LRBA: variants seen among roughly 807,000 people sequenced by gnomAD.
The protein encoded by LRBA is lipopolysaccharide-responsive and beige-like anchor protein.
A neutral mutation model predicts 330.0 loss-of-function variants in LRBA; 176 were observed. The observed-to-expected ratio is 0.53, with a 90% CI of 0.47 to 0.60. The LOEUF (loss-of-function observed/expected upper bound fraction) is 0.60, where lower values mean the gene tolerates loss of function less well. Ranked by LOEUF, LRBA falls within the 20% of genes least tolerant of loss-of-function variation. LRBA has a pLI of 0.00. For missense variants in LRBA, 3,259 were observed against 3,444.8 expected, an observed-to-expected ratio of 0.95 and a Z score of 1.35; for synonymous variants, 1,230 against 1,193.0, an observed-to-expected ratio of 1.03 and a Z score of -0.64.
At chr4:150,495,100 A>G (rs965284157) in intron 40 of LRBA, among the ~76,000 whole-genome samples, 1 of 152,206 alleles carries the variant, frequency 6.6e-6, no homozygotes, top group African/African-American at 2.4e-5. Context: ...ATCTATAAGA[A>G]AGTGATAAAT....
chr4:150,758,934 C>T (rs541690670), intron 35 of LRBA, among the ~76,000 whole-genome samples: 3 of 151,652 alleles, frequency 2.0e-5, no homozygotes, highest in Non-Finnish European at 4.4e-5. Context: ...TTTTTCCCCA[C>T]GACAGGGTCT....
At chr4:150,316,844 C>T (rs1438436480) in intron 50 of LRBA, among the ~76,000 whole-genome samples, 1 of 152,016 alleles carries the variant, frequency 6.6e-6, no homozygotes, top group African/African-American at 2.4e-5. Context: ...AAGAGAGAGT[C>T]GTGGACAAGG....
intron 47 of LRBA, among the ~76,000 whole-genome samples, chr4:150,359,058 G>A (rs1446824919): frequency 6.6e-6 from 1 of 151,990 alleles, no homozygotes. Flanking sequence ...ATCCAATAAA[G>A]AAAAACTTGA....
chr4:150,456,007 C>CT (rs1212036907), intron 44 of LRBA, among the ~76,000 whole-genome samples: 1 of 152,202 alleles, frequency 6.6e-6, no homozygotes, highest in South Asian at 2.1e-4. Context: ...GTATCTCATT[C>CT]TTTTTTATGG....
At chr4:151,010,477 T>C (rs1307444471) in intron 2 of LRBA, among the ~76,000 whole-genome samples, 3 of 152,130 alleles carry the variant, frequency 2.0e-5, no homozygotes, top group African/African-American at 4.8e-5. Context: ...TCAAAATTTA[T>C]CTGCAAAACA....
intron 31 of LRBA, among the ~76,000 whole-genome samples, chr4:150,815,873 C>T (rs1370792800): frequency 6.6e-6 from 1 of 151,820 alleles, no homozygotes; most frequent in Non-Finnish European, 1.5e-5. Flanking sequence ...CTTTCTTTTA[C>T]TTAACCTACT....
chr4:150,799,933 C>T (rs1159733411), intron 33 of LRBA, among the ~76,000 whole-genome samples: 2 of 152,226 alleles, frequency 1.3e-5, no homozygotes, highest in East Asian at 1.9e-4. Context: ...TTAGTAGAGA[C>T]GGAGTTTCAC....
At chr4:150,710,747 G>A (rs1036148480) in intron 36 of LRBA, among the ~76,000 whole-genome samples, 1 of 151,970 alleles carries the variant, frequency 6.6e-6, no homozygotes, top group Non-Finnish European at 1.5e-5. Flanking sequence ...AGTGAAGAAT[G>A]AGTGCTTTAC....
Position 150,321,204 on chromosome 4 carries a change from C to A in LRBA, c.7617G>T (p.Trp2539Cys). The change falls in exon 50 of 57, where the codon TGG becomes TGT. Residue 2539 changes from tryptophan to cysteine, a missense_variant. Trp to Cys is a radical substitution (Grantham distance 215). Transcript: ENST00000651943. The surrounding 1 kb of genome is among the most constrained non-coding windows in gnomAD (Gnocchi z 4.5). ...TTCTTTACTTACCAGGAAGGTTGTG[C>A]CATTTGTTCACCGCAAATAACCTGT... The part of the protein sequence containing the change: ...TANRLFAVNK[W>C]HNLPAHQGAV... 2 of 1,608,292 alleles carry A rather than the reference C, an allele frequency of 1.2e-6. No individual in the cohort carries two copies. Among genetic ancestry groups the A allele is most frequent in the Non-Finnish European group, 1.7e-6 (2 of 1,178,080 alleles).
chr4:150,820,892 T>C (rs1745334949), intron 30 of LRBA, among the ~76,000 whole-genome samples: 1 of 152,050 alleles, frequency 6.6e-6, no homozygotes, highest in Non-Finnish European at 1.5e-5. Context: ...ACAAAAATAA[T>C]CTAGAATTTT....
intron 40 of LRBA, among the ~76,000 whole-genome samples, chr4:150,569,679 C>T (rs1481938287): frequency 2.6e-5 from 4 of 152,186 alleles, no homozygotes; most frequent in African/African-American, 7.2e-5. Flanking sequence ...ATTTTCCAGT[C>T]GGTAATTAAC....
At chr4:150,379,437 T>C (rs1431573145) in intron 47 of LRBA, among the ~76,000 whole-genome samples, 2 of 151,722 alleles carry the variant, frequency 1.3e-5, no homozygotes, top group Non-Finnish European at 2.9e-5. Flanking sequence ...AAAAGAATGC[T>C]GGTTGGTTAA....
At chr4:150,465,681 C>T (rs540481555) in intron 44 of LRBA, among the ~76,000 whole-genome samples, 12 of 152,022 alleles carry the variant, frequency 7.9e-5, no homozygotes, top group Non-Finnish European at 1.6e-4. Flanking sequence ...AGGTTCTTTA[C>T]CCATTTTTGA....
intron 36 of LRBA, among the ~76,000 whole-genome samples, chr4:150,719,154 T>C (rs1016670148): frequency 1.3e-5 from 2 of 152,106 alleles, no homozygotes; most frequent in Admixed American, 6.6e-5. Flanking sequence ...ATCAAATCAA[T>C]TTAATCTCTT....
chr4:150,545,196 T>C (rs920516535), intron 40 of LRBA, among the ~76,000 whole-genome samples: 26 of 152,198 alleles, frequency 1.7e-4, no homozygotes, highest in African/African-American at 6.3e-4. Flanking sequence ...ATAATCAAGG[T>C]AATCTCAGTT....
chr4:150,802,350 GTTT>G (rs981953617), intron 33 of LRBA, among the ~76,000 whole-genome samples: 1 of 144,592 alleles, frequency 6.9e-6, no homozygotes, highest in East Asian at 2.0e-4. Context: ...GCATTCGTGG[GTTT>G]TTTTTTTTTA....
chr4:150,829,185 C>G (rs1041819827), intron 29 of LRBA, among the ~76,000 whole-genome samples: 1 of 152,226 alleles, frequency 6.6e-6, no homozygotes, highest in Admixed American at 6.5e-5. Context: ...ATCTACCTGC[C>G]TCGGCCTCCC....
At chr4:150,426,198 C>T (rs1273164461) in intron 46 of LRBA, among the ~76,000 whole-genome samples, 1 of 151,818 alleles carries the variant, frequency 6.6e-6, no homozygotes, top group East Asian at 1.9e-4. Flanking sequence ...TTTAGTTTGT[C>T]CTAATTTGGT....
At chr4:150,435,493 G>T in intron 46 of LRBA, 96 bp downstream of exon 46, 1 of 1,083,558 alleles carries the variant, frequency 9.2e-7, no homozygotes, top group Non-Finnish European at 1.3e-6. Context: ...TTTATCTTTT[G>T]TAAATAGGGC....
Sources: allele counts gnomAD v4.1 joint callset (sites outside exome capture counted in the v4.1 genomes callset), GRCh38; gene constraint gnomAD v4.1.1; non-coding constraint Gnocchi (gnomAD v3.1); transcripts MANE v1.5; gene names NCBI Gene and HGNC (gene_info 2026-07-23, HGNC 2026-07-21).